CCNY: variants seen among roughly 807,000 people sequenced by gnomAD.
CCNY encodes the protein cyclin Y.
CCNY carries 19 observed loss-of-function variants against 42.8 expected under a neutral mutation model. That is an observed-to-expected ratio of 0.44 (90% CI 0.31 to 0.65). The LOEUF (loss-of-function observed/expected upper bound fraction) is 0.65, where lower values mean the gene tolerates loss of function less well. Ranked by LOEUF, CCNY falls within the 30% of genes least tolerant of loss-of-function variation. CCNY has a pLI of 0.07. For missense variants in CCNY, 370 were observed against 437.3 expected, an observed-to-expected ratio of 0.85 and a Z score of 1.37; for synonymous variants, 165 against 162.7, an observed-to-expected ratio of 1.01 and a Z score of -0.11.
At chr10:35,332,689 C>T (rs980754885), upstream of CCNY, among the ~76,000 whole-genome samples, 3 of 152,192 alleles carry the variant, frequency 2.0e-5, no homozygotes, top group East Asian at 5.8e-4. Flanking sequence ...ACTGCAACCT[C>T]CACCTCCCGG....
chr10:35,408,185 G>A (rs1482672768), intron 1 of CCNY, among the ~76,000 whole-genome samples: 1 of 152,182 alleles, frequency 6.6e-6, no homozygotes, highest in Non-Finnish European at 1.5e-5. Context: ...CCTTGGGCTG[G>A]TTAGTCTGAG....
In CCNY at chr10:35,530,268, C is replaced by A; in HGVS notation, c.579+25C>A. 1 of 1,613,822 alleles carries A rather than the reference C, an allele frequency of 6.2e-7. No homozygotes were observed. Among genetic ancestry groups the A allele is most frequent in the Non-Finnish European group, 8.5e-7 (1 of 1,179,914 alleles). On this transcript the variant is annotated intron_variant, in intron 7 of 9. Transcript: ENST00000374704. The surrounding 1 kb of genome is among the most constrained non-coding windows in gnomAD (Gnocchi z 4.3). ...GGTGAGTGCCCTCAGGATGGCCACA[C>A]CCATCCCCAGCCGAGGTGGTCCAGG... is the stretch of plus-strand genomic sequence containing the variant.
chr10:35,486,687 C>T (rs138138314), intron 2 of CCNY, among the ~76,000 whole-genome samples: 153 of 152,340 alleles, frequency 1.0e-3, no homozygotes, highest in African/African-American at 3.3e-3. Context: ...ATATGAGGCC[C>T]ATCGTGATCC....
chr10:35,336,492 G>C (rs1348643293), upstream of CCNY: 40 of 150,776 alleles, frequency 2.7e-4, no homozygotes, highest in Admixed American at 2.6e-3. Context: ...CGCCGCTGGC[G>C]AGGGAGGGCC....
At chr10:35,526,625 A>G (rs1365413204) in intron 5 of CCNY, among the ~76,000 whole-genome samples, 1 of 151,654 alleles carries the variant, frequency 6.6e-6, no homozygotes, top group East Asian at 1.9e-4. Context: ...ACCAAAATGT[A>G]TTTCTTTCAT....
chr10:35,555,643 C>G (rs1296825050), intron 8 of CCNY, among the ~76,000 whole-genome samples: 1 of 152,140 alleles, frequency 6.6e-6, no homozygotes, highest in Non-Finnish European at 1.5e-5. Context: ...GGTGACTTGA[C>G]TAGTAAGTCA....
intron 8 of CCNY, among the ~76,000 whole-genome samples, chr10:35,559,241 T>C (rs1841418169): frequency 6.6e-6 from 1 of 152,212 alleles, no homozygotes; most frequent in African/African-American, 2.4e-5. Flanking sequence ...GGAAAGGTGA[T>C]CCTTGTTAAA....
chr10:35,421,338 G>A (rs111417735), intron 1 of CCNY, among the ~76,000 whole-genome samples: 237 of 152,258 alleles, frequency 1.6e-3, no homozygotes, highest in African/African-American at 5.2e-3. Flanking sequence ...GTTTATCATG[G>A]GTGCTTGGCA....
At chr10:35,362,676 A>G (rs1021777003) in intron 1 of CCNY, among the ~76,000 whole-genome samples, 11 of 152,234 alleles carry the variant, frequency 7.2e-5, no homozygotes, top group African/African-American at 2.7e-4. Context: ...ATCACACACA[A>G]GGCTGTCACT....
At chr10:35,298,013 A>G (rs1465116684) in intron 3 of CCNY, among the ~76,000 whole-genome samples, 1 of 152,128 alleles carries the variant, frequency 6.6e-6, no homozygotes, top group Non-Finnish European at 1.5e-5. Context: ...TATGAAAAAA[A>G]AAAAAAGAGC....
intron 3 of CCNY, among the ~76,000 whole-genome samples, chr10:35,325,335 C>T (rs1386437689): frequency 6.6e-6 from 1 of 152,160 alleles, no homozygotes; most frequent in African/African-American, 2.4e-5. Flanking sequence ...TGCGCCATCA[C>T]ACCTGGCTAA....
At chr10:35,324,504 C>T (rs1316054182) in intron 3 of CCNY, among the ~76,000 whole-genome samples, 1 of 152,120 alleles carries the variant, frequency 6.6e-6, no homozygotes, top group Non-Finnish European at 1.5e-5. Context: ...AAAATTACAC[C>T]GACAAATACG....
At chr10:35,509,136 T>C (rs1428128369) in intron 3 of CCNY, among the ~76,000 whole-genome samples, 1 of 152,240 alleles carries the variant, frequency 6.6e-6, no homozygotes, top group Non-Finnish European at 1.5e-5. Context: ...CCAATTTTTG[T>C]TCTGAGATCC....
intron 1 of CCNY, among the ~76,000 whole-genome samples, chr10:35,454,430 G>T (rs1221870372): frequency 6.6e-6 from 1 of 152,234 alleles, no homozygotes; most frequent in East Asian, 1.9e-4. Context: ...CAGGAACTGT[G>T]GCACAGGCAG....
intron 1 of CCNY, among the ~76,000 whole-genome samples, chr10:35,451,245 CAAGTT>C (rs1376245141): frequency 1.3e-5 from 2 of 152,072 alleles, no homozygotes; most frequent in South Asian, 2.1e-4. Context: ...TTTACAAAAA[CAAGTT>C]AAGAGTCAGA....
At chr10:35,463,375 T>A (rs1839195053) in intron 1 of CCNY, among the ~76,000 whole-genome samples, 1 of 152,226 alleles carries the variant, frequency 6.6e-6, no homozygotes, top group South Asian at 2.1e-4. Context: ...ATCTGTTACC[T>A]CAGTAACAAT....
intron 1 of CCNY, among the ~76,000 whole-genome samples, chr10:35,431,065 C>T (rs908428716): frequency 1.2e-4 from 18 of 150,160 alleles, no homozygotes; most frequent in Admixed American, 8.6e-4. Context: ...TGCAGTGAGC[C>T]GGGATTGTGC....
In CCNY at chr10:35,563,392, A is replaced by G. The variant is rs553717751; in HGVS notation, c.747-2631A>G. Among the ~76,000 whole-genome samples the G allele has an allele frequency of 9.2e-5, 14 of 152,204 alleles. 1 individual carries two copies. In the South Asian group the frequency reaches 1.2e-3, roughly 14 times the overall value. On this transcript the variant is annotated intron_variant, in intron 8 of 9. Transcript: ENST00000374704. ...CTCCATCTGGAACCATGGTGTCTGT[A>G]TATCATTTTGGGCAGGATTATCAGG... is the stretch of plus-strand genomic sequence containing the variant.
chr10:35,362,897 C>T (rs1426257979), intron 1 of CCNY, among the ~76,000 whole-genome samples: 2 of 151,002 alleles, frequency 1.3e-5, no homozygotes, highest in Non-Finnish European at 2.9e-5. Flanking sequence ...CCTTGCTTCC[C>T]AGATAGGGCG....
Sources: gnomAD v4.1 joint callset for allele counts (sites outside exome capture counted in the v4.1 genomes callset) on GRCh38, gnomAD v4.1.1 for gene constraint, Gnocchi (gnomAD v3.1) non-coding constraint, MANE v1.5 for transcripts, NCBI Gene and HGNC (gene_info 2026-07-23, HGNC 2026-07-21) for gene names.